Variants in CES5A observed in about 807,000 individuals in gnomAD.
The protein encoded by CES5A is carboxylesterase 5.
CES5A carries 67 observed loss-of-function variants against 62.9 expected under a neutral mutation model. The observed-to-expected ratio is 1.07, with a 90% CI of 0.88 to 1.31. The LOEUF is 1.31. Among genes scored for constraint, CES5A ranks in the 50% most tolerant of loss-of-function variants. The pLI is 0.00. For synonymous variants in CES5A, 296 were observed against 280.8 expected, an observed-to-expected ratio of 1.05 and a Z score of -0.54; for missense variants, 748 against 708.5, an observed-to-expected ratio of 1.06 and a Z score of -0.63.
At chr16:55,886,473 G>A (rs2033816684) in intron 1 of CES5A, among the ~76,000 whole-genome samples, 2 of 152,148 alleles carry the variant, frequency 1.3e-5, no homozygotes, top group African/African-American at 4.8e-5. Flanking sequence ...TCCAAGTCAT[G>A]TCAACCAGCC....
At chr16:55,873,654 T>C (rs2033639117) in intron 2 of CES5A, among the ~76,000 whole-genome samples, 179 bp downstream of exon 2, 1 of 152,202 alleles carries the variant, frequency 6.6e-6, no homozygotes, top group Admixed American at 6.5e-5. Flanking sequence ...TCCAGTGACC[T>C]GGCCATCAGC....
intron 11 of CES5A, among the ~76,000 whole-genome samples, 177 bp downstream of exon 11, chr16:55,849,447 A>G (rs1203429644): frequency 6.6e-6 from 1 of 152,140 alleles, no homozygotes; most frequent in Admixed American, 6.5e-5. Context: ...CTGTCATGGC[A>G]CTTTTTCATC....
intron 2 of CES5A, among the ~76,000 whole-genome samples, chr16:55,931,043 CA>C: frequency 6.6e-6 from 1 of 152,216 alleles, no homozygotes; most frequent in South Asian, 2.1e-4. Flanking sequence ...CCCCATTTTC[CA>C]TATGGAGAAA....
upstream of CES5A, among the ~76,000 whole-genome samples, chr16:55,929,031 A>G (rs530733852): frequency 6.6e-6 from 1 of 152,254 alleles, no homozygotes; most frequent in Non-Finnish European, 1.5e-5. Flanking sequence ...GTGGAGCACA[A>G]TCTGCAACAT....
At chr16:55,882,342 A>G (rs773424473) in intron 1 of CES5A, among the ~76,000 whole-genome samples, 1 of 152,218 alleles carries the variant, frequency 6.6e-6, no homozygotes, top group Non-Finnish European at 1.5e-5. Flanking sequence ...GGACCCACTA[A>G]TGCACAGAGG....
At chr16:55,906,496 A>C (rs1015485065) in intron 1 of CES5A, among the ~76,000 whole-genome samples, 6 of 152,208 alleles carry the variant, frequency 3.9e-5, no homozygotes, top group Non-Finnish European at 7.3e-5. Context: ...TCTTGAAGGG[A>C]GGGAGGAAAA....
intron 1 of CES5A, among the ~76,000 whole-genome samples, chr16:55,884,501 T>G (rs1179496331): frequency 6.6e-6 from 1 of 152,134 alleles, no homozygotes; most frequent in Non-Finnish European, 1.5e-5. Flanking sequence ...CCCCTCTTCT[T>G]CATCAATGTT....
chr16:55,939,361 C>A (rs775079312), intron 2 of CES5A, among the ~76,000 whole-genome samples: 1 of 152,128 alleles, frequency 6.6e-6, no homozygotes, highest in Non-Finnish European at 1.5e-5. Flanking sequence ...AGGGGTAGTT[C>A]CCCAAAGAAA....
At chr16:55,948,453 G>A (rs1383880139) in intron 2 of CES5A, among the ~76,000 whole-genome samples, 8 of 152,136 alleles carry the variant, frequency 5.3e-5, no homozygotes, top group Non-Finnish European at 8.8e-5. Flanking sequence ...AATTCATCTC[G>A]GGGTAGGCGG....
At chr16:55,910,666 GA>G (rs2034083865) in intron 1 of CES5A, among the ~76,000 whole-genome samples, 1 of 152,200 alleles carries the variant, frequency 6.6e-6, no homozygotes, top group Non-Finnish European at 1.5e-5. Context: ...TAATTAGGGG[GA>G]AAGCTAAGCT....
At chr16:55,907,206 A>G (rs1224777052) in intron 1 of CES5A, among the ~76,000 whole-genome samples, 3 of 152,220 alleles carry the variant, frequency 2.0e-5, no homozygotes, top group Admixed American at 1.3e-4. Context: ...TCCCATGGGC[A>G]ATAAGGGACT....
chr16:55,912,834 T>C (rs553920866), intron 1 of CES5A, among the ~76,000 whole-genome samples: 1 of 151,930 alleles, frequency 6.6e-6, no homozygotes, highest in East Asian at 1.9e-4. Flanking sequence ...CCCTGAGAGG[T>C]GAAGACAAAA....
rs76803983 is a variant in CES5A, at chr16:55,918,153, A to C, written c.-256+7170T>G. The stretch of plus-strand genomic sequence containing the variant: ...CCCCATGCTCTTCTATTTTGTGTCC[A>C]GCTTGTCTTTCTAATGGTAGGTCTC... On this transcript the variant is annotated intron_variant, in intron 1 of 12. Coordinates refer to the CES5A transcript ENST00000518005. Among the ~76,000 whole-genome samples, 975 of 152,210 alleles carry C rather than the reference A, an allele frequency of 6.4e-3. 11 individuals carry two copies. The highest frequency in any genetic ancestry group is 0.023 in the African/African-American group (941 of 41,500).
chr16:55,848,919 A>G (rs1215138353), intron 11 of CES5A, among the ~76,000 whole-genome samples: 1 of 152,206 alleles, frequency 6.6e-6, no homozygotes. Flanking sequence ...TGTGAGGATG[A>G]AAAACTGAAA....
chr16:55,861,836 C>T (rs1411841643), intron 6 of CES5A, among the ~76,000 whole-genome samples: 4 of 152,152 alleles, frequency 2.6e-5, no homozygotes, highest in Non-Finnish European at 5.9e-5. Context: ...GTGAGCTTGG[C>T]TGCATTGGTA....
At chr16:55,889,560 G>A (rs2033852888) in intron 1 of CES5A, among the ~76,000 whole-genome samples, 1 of 152,058 alleles carries the variant, frequency 6.6e-6, no homozygotes, top group Admixed American at 6.6e-5. Context: ...TCTGGGAAGG[G>A]GCATAGAGCG....
chr16:55,948,259 GA>G lies in CES5A; in HGVS notation c.160+1525del, dbSNP rs1314904638. 5.9e-5 allele frequency among the ~76,000 whole-genome samples: 9 copies of G among 151,470 alleles called. No homozygotes were observed. The East Asian group carries it at 1.6e-3, about 26-fold the overall frequency. On this transcript the variant is annotated intron_variant, in intron 2 of 13. Coordinates refer to the CES5A transcript ENST00000521992. The stretch of plus-strand genomic sequence containing the variant: ...AAGATGGGCAGGCCGAGAAAGGAGG[GA>G]AAAAAAAGAGGGAGGATATGGTCAC...
At chr16:55,906,680 A>G (rs2034042999) in intron 1 of CES5A, among the ~76,000 whole-genome samples, 1 of 152,204 alleles carries the variant, frequency 6.6e-6, no homozygotes, top group South Asian at 2.1e-4. Context: ...GAGTCCCAAG[A>G]GAGGGGCTTC....
intron 1 of CES5A, among the ~76,000 whole-genome samples, chr16:55,953,785 G>A (rs1397559511): frequency 1.3e-5 from 2 of 152,076 alleles, no homozygotes; most frequent in African/African-American, 4.8e-5. Context: ...ATATATTTAT[G>A]GGGTACATGT....
Sources: gnomAD v4.1 joint callset for allele counts (sites outside exome capture counted in the v4.1 genomes callset) on GRCh38, gnomAD v4.1.1 for gene constraint, MANE v1.5 for transcripts, NCBI Gene and HGNC (gene_info 2026-07-23, HGNC 2026-07-21) for gene names.